The following SLCO2A1 variants were observed in gnomAD, a reference collection of about 807,000 sequenced individuals.
SLCO2A1 encodes matrin F/G 1.
A neutral mutation model predicts 71.7 loss-of-function variants in SLCO2A1; 60 were observed. The ratio of observed to expected loss-of-function variants is 0.84; its 90% confidence interval spans 0.68 to 1.04. The LOEUF (loss-of-function observed/expected upper bound fraction) is 1.04, where lower values mean the gene tolerates loss of function less well. Ranked by LOEUF, SLCO2A1 falls within the 50% of genes least tolerant of loss-of-function variation. The pLI is 0.00. For synonymous variants in SLCO2A1, 308 were observed against 326.7 expected, an observed-to-expected ratio of 0.94 and a Z score of 0.62; for missense variants, 745 against 813.4, an observed-to-expected ratio of 0.92 and a Z score of 1.02.
At chr3:134,022,026 ATTGTGAG>A (rs2108079830) in intron 1 of SLCO2A1, among the ~76,000 whole-genome samples, 1 of 151,424 alleles carries the variant, frequency 6.6e-6, no homozygotes, top group African/African-American at 2.4e-5. Context: ...AGGAAACCTC[ATTGTGAG>A]CACACCTCAC....
chr3:133,942,438 T>G (rs1052625195), intron 11 of SLCO2A1, 167 bp downstream of exon 11: 35 of 686,738 alleles, frequency 5.1e-5, no homozygotes, highest in Non-Finnish European at 7.9e-5. Flanking sequence ...ACTGTTGCCA[T>G]TAGTATTATT....
chr3:133,981,703 G>A (rs545341974), intron 1 of SLCO2A1, among the ~76,000 whole-genome samples: 47 of 152,310 alleles, frequency 3.1e-4, no homozygotes, highest in African/African-American at 9.6e-4. Context: ...AAGGCTGGGC[G>A]CGGTGGCTCA....
At chr3:133,937,863 C>G (rs1933310798) in intron 12 of SLCO2A1, among the ~76,000 whole-genome samples, 1 of 152,222 alleles carries the variant, frequency 6.6e-6, no homozygotes, top group Admixed American at 6.5e-5. Context: ...GCCCAGGCAC[C>G]CCGGGAGAGC....
intron 1 of SLCO2A1, among the ~76,000 whole-genome samples, chr3:133,992,735 G>A (rs992213053): frequency 6.6e-6 from 1 of 152,212 alleles, no homozygotes; most frequent in African/African-American, 2.4e-5. Context: ...TGACAGTGTA[G>A]CTTCAGAGAG....
chr3:133,963,121 C>G (rs1934080752), intron 3 of SLCO2A1, among the ~76,000 whole-genome samples: 1 of 152,200 alleles, frequency 6.6e-6, no homozygotes. Context: ...CCCCACCCCA[C>G]CAGCATGTGA....
chr3:133,952,874 G>A (rs974637757), intron 5 of SLCO2A1, among the ~76,000 whole-genome samples: 3 of 152,094 alleles, frequency 2.0e-5, no homozygotes, highest in Admixed American at 2.0e-4. Context: ...TGAGACCCAG[G>A]CAGTCCCGTC....
chr3:134,000,355 G>A (rs1935082871), intron 1 of SLCO2A1, among the ~76,000 whole-genome samples: 1 of 152,162 alleles, frequency 6.6e-6, no homozygotes. Context: ...CTGAGGAGAG[G>A]GGTCAGGGAG....
intron 1 of SLCO2A1, among the ~76,000 whole-genome samples, chr3:133,980,358 T>C (rs529271926): frequency 6.7e-6 from 1 of 148,730 alleles, no homozygotes; most frequent in African/African-American, 2.4e-5. Flanking sequence ...TCGTACCTGG[T>C]CCTGGGGTAC....
intron 3 of SLCO2A1, among the ~76,000 whole-genome samples, chr3:133,959,833 C>A (rs1933990294): frequency 6.6e-6 from 1 of 151,638 alleles, no homozygotes; most frequent in Non-Finnish European, 1.5e-5. Context: ...AAAATAAATA[C>A]TAATGGGCCG....
At chr3:133,945,540 T>C (rs1040598220) in intron 9 of SLCO2A1, among the ~76,000 whole-genome samples, 5 of 152,318 alleles carry the variant, frequency 3.3e-5, no homozygotes, top group Admixed American at 2.0e-4. Flanking sequence ...CTTGCCACAG[T>C]AGGCGTCAAG....
At chr3:134,005,543 G>A (rs766370092) in intron 1 of SLCO2A1, among the ~76,000 whole-genome samples, 5 of 149,506 alleles carry the variant, frequency 3.3e-5, no homozygotes, top group Admixed American at 6.7e-5. Flanking sequence ...GTGCAGTGGC[G>A]CAATCTCGGC....
chr3:134,003,761 C>T (rs1323577368), intron 1 of SLCO2A1, among the ~76,000 whole-genome samples: 1 of 152,166 alleles, frequency 6.6e-6, no homozygotes, highest in Non-Finnish European at 1.5e-5. Flanking sequence ...TGCAGTTATT[C>T]AAATACCAAT....
chr3:134,025,566 G>A (rs1935686175), intron 1 of SLCO2A1, among the ~76,000 whole-genome samples: 1 of 152,076 alleles, frequency 6.6e-6, no homozygotes. Context: ...TAGAAAAGAG[G>A]CTATATAGCA....
At chr3:133,955,286 G>A (rs913497681) in intron 3 of SLCO2A1, 93 bp from the exon 4 acceptor site, 28 of 1,112,850 alleles carry the variant, frequency 2.5e-5, no homozygotes, top group Non-Finnish European at 3.2e-5. Flanking sequence ...GGCCCCTTGG[G>A]GAAGGACCAA....
At chr3:133,998,134 C>T (rs1935018093) in intron 1 of SLCO2A1, among the ~76,000 whole-genome samples, 2 of 152,188 alleles carry the variant, frequency 1.3e-5, no homozygotes, top group South Asian at 2.1e-4. Flanking sequence ...CCCTTGGTTC[C>T]ATGGCAGAAT....
At chr3:133,974,092 T>C (rs1934396571) in intron 2 of SLCO2A1, among the ~76,000 whole-genome samples, 1 of 152,198 alleles carries the variant, frequency 6.6e-6, no homozygotes, top group Non-Finnish European at 1.5e-5. Context: ...ATCTGGAGAT[T>C]ATGAAACACT....
At chr3:133,958,738 C>A (rs1185860463) in intron 3 of SLCO2A1, among the ~76,000 whole-genome samples, 1 of 152,210 alleles carries the variant, frequency 6.6e-6, no homozygotes. Context: ...ATATACTTTG[C>A]ATCCATAAAT....
At chr3:133,934,948 A>C in intron 13 of SLCO2A1, 118 bp from the exon 14 acceptor site, 1 of 748,104 alleles carries the variant, frequency 1.3e-6, no homozygotes, top group Non-Finnish European at 2.2e-6. Context: ...AGGTGTGGGC[A>C]CCATCCAGGT....
At position 134,013,916 on chromosome 3, in the gene SLCO2A1, C is replaced by G. The variant is rs556102808; in HGVS notation, c.96+15791G>C. On this transcript the variant is annotated intron_variant, in intron 1 of 13. Coordinates refer to ENST00000310926, the MANE Select transcript of SLCO2A1 (RefSeq NM_005630.3). ...CTCCCCTCACGCACCTTGTCCTACCCCTACATGGAAACTTCTTCATTCCCT... is the reference window on the plus strand; with the variant it reads ...CTCCCCTCACGCACCTTGTCCTACCGCTACATGGAAACTTCTTCATTCCCT... Among the ~76,000 whole-genome samples the G allele has an allele frequency of 4.6e-5, 7 of 152,174 alleles. No homozygotes were observed. The South Asian group carries it at 1.5e-3, about 32-fold the overall frequency.
Sources: allele counts gnomAD v4.1 joint callset (sites outside exome capture counted in the v4.1 genomes callset), GRCh38; gene constraint gnomAD v4.1.1; transcripts MANE v1.5; gene names NCBI Gene and HGNC (gene_info 2026-07-23, HGNC 2026-07-21).